The following RNASEL variants were observed in gnomAD, a reference collection of about 807,000 sequenced individuals.
RNASEL encodes ribonuclease L.
Under a neutral mutation model 50.9 loss-of-function variants are expected in RNASEL, and 36 were observed. The ratio of observed to expected loss-of-function variants is 0.71; its 90% CI spans 0.54 to 0.93. RNASEL has a LOEUF of 0.93. Ranked by LOEUF, RNASEL falls within the 40% of genes least tolerant of loss-of-function variation. RNASEL has a pLI of 0.00. For missense variants in RNASEL, 860 were observed against 894.5 expected (o/e 0.96, Z 0.49); for synonymous variants, 335 against 335.6 (o/e 1.00, Z 0.02).
At chr1:182,576,489 C>A (rs978489345) in intron 5 of RNASEL, 100 bp from the exon 6 acceptor site, 55 of 894,988 alleles carry the variant, frequency 6.1e-5, no homozygotes, top group Non-Finnish European at 7.6e-5. Context: ...TGAATATATT[C>A]ATATATTCTA....
intron 4 of RNASEL, 62 bp from the exon 5 acceptor site, chr1:182,581,419 G>T: frequency 4.3e-6 from 6 of 1,411,692 alleles, no homozygotes; most frequent in East Asian, 6.9e-5. Context: ...TCCTTTTCCA[G>T]AAAAAGAAAA....
chr1:182,586,051 C>G lies in RNASEL; in HGVS notation c.756G>C (p.Leu252Phe). The change falls in exon 2 of 7, where the codon TTG (leucine) becomes TTC (phenylalanine). Residue 252 changes from leucine (L) to phenylalanine (F), a missense_variant. Leu to Phe is a conservative substitution (Grantham distance 22). Transcript: ENST00000367559. ...PLILAVEKKH[L>F]GLVQRLLEQE... is the part of the protein sequence containing the mutation. ...GCTCCAGAAGCCTCTGCACCAAACCCAAGTGCTTCTTCTCCACTGCCAGGA... is the reference window on the plus strand; with the variant it reads ...GCTCCAGAAGCCTCTGCACCAAACCGAAGTGCTTCTTCTCCACTGCCAGGA... The G allele has an allele frequency of 6.2e-7, 1 of 1,614,066 alleles. No individual in the cohort carries two copies. Among genetic ancestry groups the G allele is most frequent in the Non-Finnish European group, 8.5e-7 (1 of 1,180,032 alleles).
At chr1:182,577,369 A>G (rs2102363676) in intron 5 of RNASEL, among the ~76,000 whole-genome samples, 1 of 152,216 alleles carries the variant, frequency 6.6e-6, no homozygotes, top group Non-Finnish European at 1.5e-5. Flanking sequence ...TATACTATAC[A>G]ATATTTTTAT....
Position 182,585,643 on chromosome 1 carries a change from T to G in RNASEL, c.1164A>C (p.Glu388Asp), listed in dbSNP as rs767656745. ...GIYLGFYEKQ[E>D]VAVKTFCEGS... ...CCTCACAGAACGTCTTCACAGCTAC[T>G]TCTTGCTTCTCATAGAACCCCAGGT... Residue 388 changes from glutamate (E) to aspartate (D), a missense_variant, in exon 2 of 7, where the codon GAA (glutamate) becomes GAC (aspartate). Coordinates refer to ENST00000367559, the MANE Select transcript of RNASEL (RefSeq NM_021133.4). The G allele has an allele frequency of 1.8e-5, 29 of 1,614,124 alleles. No individual in the cohort carries two copies. The highest frequency in any genetic ancestry group is 2.3e-5 in the Non-Finnish European group (27 of 1,180,048).
chr1:182,581,407 T>G (rs752704647), intron 4 of RNASEL, 50 bp from the exon 5 acceptor site: 2 of 1,610,364 alleles, frequency 1.2e-6, no homozygotes, highest in African/African-American at 2.7e-5. Context: ...CATCCCTCCC[T>G]TTCCTTTTCC....
rs747261020 is a variant in RNASEL at position 182,586,332 on chromosome 1, CCTTT to C, written c.471_474del (p.Lys158ArgfsTer6). On this transcript the variant is annotated frameshift_variant, in exon 2 of 7. Transcript: ENST00000367559. LOFTEE classifies it high-confidence loss of function. ...CCTTTCCTCAGCCGCTCTTGATCCT[CCTTT>C]GTCTTTCGCCTCAAATTCACATTTG... 374 of 1,614,100 alleles carry C rather than the reference CCTTT, an allele frequency of 2.3e-4. 4 individuals are homozygous for C. The highest frequency in any genetic ancestry group is 3.7e-5 in the Non-Finnish European group (44 of 1,180,052).
intron 5 of RNASEL, among the ~76,000 whole-genome samples, chr1:182,577,832 A>G (rs1159320638): frequency 1.3e-5 from 2 of 152,208 alleles, no homozygotes; most frequent in African/African-American, 2.4e-5. Context: ...ATAAAGCCAC[A>G]TATCTACAAC....
At position 182,583,128 on chromosome 1, in the gene RNASEL, T is replaced by G. The variant is rs199515181; in HGVS notation, c.1567-870A>C. ...AAACCTCACTTACTTTGTTCCTAGG[T>G]AGAAAAATAACTCCTCAATGAATAT... On this transcript the variant is annotated intron_variant, in intron 3 of 6. Transcript: ENST00000367559. Among the ~76,000 whole-genome samples, 5 of 152,294 alleles carry G rather than the reference T, an allele frequency of 3.3e-5. No homozygotes were observed. The East Asian group carries it at 9.6e-4, about 29-fold the overall frequency.
rs1446340421 is a variant in RNASEL, at chr1:182,575,367, C to T, written c.*25G>A. On this transcript the variant is annotated 3_prime_UTR_variant, in exon 7 of 7. Coordinates refer to ENST00000367559, the MANE Select transcript of RNASEL (RefSeq NM_021133.4). The stretch of plus-strand genomic sequence containing the variant: ...AGGACTCTACAGCTAATAAGTAGTT[C>T]CCTGAACTCCAGCAAATCAGTCCAT... 6.2e-7 allele frequency: 1 copy of T among 1,611,386 alleles called. No homozygotes were observed. The highest frequency in any genetic ancestry group is 8.5e-7 in the Non-Finnish European group (1 of 1,178,150).
rs773808192 is a variant in RNASEL, at chr1:182,582,303, T to C, written c.1567-45A>G. ...CAAGCCAAAGATGCTTACTAATTAT[T>C]TGGGTAACCCTGGAAGGAGTGGTGC... On this transcript the variant is annotated intron_variant, in intron 3 of 6. Coordinates refer to ENST00000367559, the MANE Select transcript of RNASEL (RefSeq NM_021133.4). The C allele has an allele frequency of 3.6e-5, 58 of 1,609,866 alleles. 1 individual carries two copies. The highest frequency in any genetic ancestry group is 4.3e-5 in the Non-Finnish European group (51 of 1,176,464).
chr1:182,573,695 A>T lies in RNASEL; in HGVS notation c.*1697T>A, dbSNP rs986881498. 2.8e-5 allele frequency: 5 copies of T among 181,372 alleles called. No individual in the cohort carries two copies. The highest frequency in any genetic ancestry group is 5.9e-5 in the Non-Finnish European group (5 of 84,918). 11.2% of individuals were successfully genotyped at this position (181,372 alleles called of 1,614,324 possible). A position where few individuals can be genotyped will look rare whatever the true frequency, so the allele number is the denominator to read the frequency against. On this transcript the variant is annotated 3_prime_UTR_variant, in exon 7 of 7. Coordinates refer to ENST00000367559, the MANE Select transcript of RNASEL (RefSeq NM_021133.4). The stretch of plus-strand genomic sequence containing the variant: ...AATGGGCATTTTAATTGACATGTCC[A>T]GGTGCTCATTACAAATCAGAGAACC...
intron 5 of RNASEL, among the ~76,000 whole-genome samples, 193 bp downstream of exon 5, chr1:182,581,032 C>T (rs1275332417): frequency 1.3e-5 from 2 of 152,060 alleles, no homozygotes; most frequent in African/African-American, 4.8e-5. Flanking sequence ...AGAGGGAGGG[C>T]CAGCTTCTGA....
Position 182,575,144 on chromosome 1 carries a change from C to G in RNASEL, c.*248G>C. 1 of 538,222 alleles carries G rather than the reference C, an allele frequency of 1.9e-6. No homozygotes were observed. Among genetic ancestry groups the G allele is most frequent in the Admixed American group, 3.3e-5 (1 of 30,250 alleles). 33.3% of individuals were successfully genotyped at this position (538,222 alleles called of 1,614,324 possible). ...GGTCAAGGCACTCATTCTTTTGGTG[C>G]AATTGACAAAAGGAATCTTAGCAGA... On this transcript the variant is annotated 3_prime_UTR_variant, in exon 7 of 7. Transcript: ENST00000367559.
chr1:182,575,669 T>C, intron 6 of RNASEL, 91 bp from the exon 7 acceptor site: 2 of 1,495,790 alleles, frequency 1.3e-6, no homozygotes, highest in Non-Finnish European at 1.8e-6. Context: ...CTTTGCTCGC[T>C]TGATTTCTAT....
At position 182,576,399 on chromosome 1, in the gene RNASEL, CA is replaced by C. The variant is rs1388980103; in HGVS notation, c.1906-11del. On this transcript the variant is annotated splice_polypyrimidine_tract_variant and intron_variant, in intron 5 of 6. Transcript: ENST00000367559. ...TAACACATTCATTAATCTAAAAAAA[CA>C]AAAAATAACACAAAAATGTGGTAGC... The C allele has an allele frequency of 1.3e-6, 2 of 1,538,428 alleles. No homozygotes were observed. The highest frequency in any genetic ancestry group is 1.4e-5 in the African/African-American group (1 of 72,926).
In RNASEL at chr1:182,586,626, T is replaced by C; in HGVS notation, c.181A>G (p.Thr61Ala). ...ATTTGTACTGCGTTATGCAGAGGTG[T>C]CCAGCCCCCTTCCTCTTCCTGGAAA... is the stretch of plus-strand genomic sequence containing the variant. The part of the protein sequence containing the change: ...VNFQEEEGGW[T>A]PLHNAVQMSR... The change falls in exon 2 of 7, where the codon ACA (threonine) becomes GCA (alanine). Residue 61 changes from threonine to alanine, a missense_variant. Physicochemically the swap from Thr to Ala is moderately conservative, Grantham distance 58 (BLOSUM62 0). Transcript: ENST00000367559. 1 of 1,613,258 alleles carries C rather than the reference T, an allele frequency of 6.2e-7. No homozygotes were observed. Among genetic ancestry groups the C allele is most frequent in the Non-Finnish European group, 8.5e-7 (1 of 1,179,282 alleles).
rs554750385 is a variant in RNASEL, at chr1:182,579,808, A to T, written c.1905+1417T>A. ...CAATCTCTGACTGTCCAGCATGAGT[A>T]ATTTGAGTGTGGTCTCTGAGCCTCA... On this transcript the variant is annotated intron_variant, in intron 5 of 6. Transcript: ENST00000367559. 48 of 975,658 alleles carry T rather than the reference A, an allele frequency of 4.9e-5. 1 individual carries two copies. The Admixed American group carries it at 1.0e-3, about 21-fold the overall frequency. The allele number at this position is 975,658 out of a possible 1,614,324, so 60.4% of individuals were successfully genotyped here. A position where few individuals can be genotyped will look rare whatever the true frequency, so the allele number is the denominator to read the frequency against.
chr1:182,585,780 A>C lies in RNASEL; in HGVS notation c.1027T>G (p.Trp343Gly). The C allele has an allele frequency of 6.2e-7, 1 of 1,614,146 alleles. No homozygotes were observed. Among genetic ancestry groups the C allele is most frequent in the Non-Finnish European group, 8.5e-7 (1 of 1,180,028 alleles). Reference sequence around the variant, plus strand: ...TGGAGATCCTTCAGGGCTGCCCCCCAGTGTGAGCTCTGAGGCTTCCAGTCT... The same window carrying C: ...TGGAGATCCTTCAGGGCTGCCCCCCCGTGTGAGCTCTGAGGCTTCCAGTCT... ...AEDWKPQSSHWGAALKDLHRI... is the reference protein window; with the variant it reads ...AEDWKPQSSHGGAALKDLHRI... The change falls in exon 2 of 7, where the codon TGG becomes GGG. Residue 343 changes from tryptophan to glycine, a missense_variant. Transcript: ENST00000367559.
At position 182,586,906 on chromosome 1, in the gene RNASEL, G is replaced by T; in HGVS notation, c.-100C>A. On this transcript the variant is annotated 5_prime_UTR_variant, in exon 2 of 7. Transcript: ENST00000367559. ...CAAAGAAGCTTTGAGTGTAAATTGG[G>T]ATTCTCTGGCAACAGAGCAGCAGTA... is the stretch of plus-strand genomic sequence containing the variant. 1 of 1,492,948 alleles carries T rather than the reference G, an allele frequency of 6.7e-7. No homozygotes were observed. The allele number at this position is 1,492,948 out of a possible 1,614,324, so 92.5% of individuals were successfully genotyped here. A position where few individuals can be genotyped will look rare whatever the true frequency, so the allele number is the denominator to read the frequency against.
Sources: allele counts gnomAD v4.1 joint callset (sites outside exome capture counted in the v4.1 genomes callset), GRCh38; gene constraint gnomAD v4.1.1; transcripts MANE v1.5; gene names NCBI Gene and HGNC (gene_info 2026-07-23, HGNC 2026-07-21).